SPEF2: variants seen among roughly 807,000 people sequenced by gnomAD.
SPEF2 encodes the protein sperm flagellar and cilia associated 2, also known as sperm flagella and cilia-associated protein 2.
SPEF2 carries 187 observed loss-of-function variants against 224.6 expected under a neutral mutation model. That is an observed-to-expected ratio of 0.83 (90% CI 0.74 to 0.94). The LOEUF is 0.94. Ranked by LOEUF, SPEF2 falls within the 40% of genes least tolerant of loss-of-function variation. SPEF2 has a pLI of 0.00. For synonymous variants in SPEF2, 715 were observed against 707.3 expected, an observed-to-expected ratio of 1.01 and a Z score of -0.17; for missense variants, 2,170 against 2,135.6, an observed-to-expected ratio of 1.02 and a Z score of -0.32.
At chr5:35,636,106 G>T (rs192903538) in intron 2 of SPEF2, among the ~76,000 whole-genome samples, 5 of 152,150 alleles carry the variant, frequency 3.3e-5, no homozygotes, top group Non-Finnish European at 7.4e-5. Flanking sequence ...TGCTGCTTCT[G>T]CTTTTTTTGT....
intron 10 of SPEF2, chr5:35,670,498 T>A: frequency 9.4e-7 from 1 of 1,068,410 alleles, no homozygotes; most frequent in Non-Finnish European, 1.1e-6. Context: ...TCAGAATTTT[T>A]AAAATGCTTT....
rs201327783 is a variant in SPEF2 at position 35,697,661 on chromosome 5, C to CTTCTGTCAT, written c.2038-24_2038-16dup. 1.6e-3 allele frequency: 2,445 copies of CTTCTGTCAT among 1,565,872 alleles called. 29 individuals carry two copies. The African/African-American group carries it at 0.03, about 19-fold the overall frequency. ...GGAATTTGACTTTTAAATTAGCCAT[C>CTTCTGTCAT]TTCTGTCATTTCTTGTTTATTTTCC... On this transcript the variant is annotated intron_variant, in intron 14 of 36. Coordinates refer to ENST00000356031, the MANE Select transcript of SPEF2 (RefSeq NM_024867.4).
At chr5:35,789,568 A>C in intron 30 of SPEF2, 1 of 650,746 alleles carries the variant, frequency 1.5e-6, no homozygotes, top group Non-Finnish European at 2.7e-6. Context: ...GGGAAAGAAA[A>C]CATTTCTGCT....
chr5:35,779,805 G>A (rs944261097), intron 30 of SPEF2, among the ~76,000 whole-genome samples: 1 of 152,194 alleles, frequency 6.6e-6, no homozygotes, highest in Non-Finnish European at 1.5e-5. Context: ...CAAATAAGCT[G>A]TTAGAAAATG....
At position 35,698,135 on chromosome 5, in the gene SPEF2, T is replaced by G. The variant is rs191703319; in HGVS notation, c.2141+342T>G. The G allele has an allele frequency of 3.5e-4, 59 of 169,334 alleles. 1 individual carries two copies. The highest frequency in any genetic ancestry group is 3.0e-3 in the Admixed American group (48 of 15,812). The allele number at this position is 169,334 out of a possible 1,614,324, so 10.5% of individuals were successfully genotyped here. On this transcript the variant is annotated intron_variant, in intron 15 of 36. Coordinates refer to ENST00000356031, the MANE Select transcript of SPEF2 (RefSeq NM_024867.4). ...CGGGGAAAAAAGAAGCCAGAGAGAC[T>G]TGGCTGACAAATGTAATAAAGAGAG...
chr5:35,807,742 C>T (rs1157958965), intron 36 of SPEF2: 1 of 1,535,966 alleles, frequency 6.5e-7, no homozygotes, highest in African/African-American at 1.4e-5. Flanking sequence ...GGACAAACCC[C>T]AGAGAAACTG....
intron 8 of SPEF2, among the ~76,000 whole-genome samples, chr5:35,663,162 A>G (rs925626014): frequency 6.6e-6 from 1 of 152,112 alleles, no homozygotes; most frequent in Non-Finnish European, 1.5e-5. Flanking sequence ...CTTATATCAA[A>G]ACATTTATTA....
At chr5:35,736,770 T>C (rs1006552553) in intron 21 of SPEF2, among the ~76,000 whole-genome samples, 1 of 152,166 alleles carries the variant, frequency 6.6e-6, no homozygotes, top group Non-Finnish European at 1.5e-5. Context: ...AGGAGAATTG[T>C]TTTGGTGGAG....
chr5:35,763,632 C>T lies in SPEF2; in HGVS notation c.3731C>T (p.Ser1244Phe). The change falls in exon 26 of 37, where the codon TCC becomes TTC. Residue 1244 changes from serine (S) to phenylalanine (F), a missense_variant. Transcript: ENST00000356031. The part of the protein sequence containing the change: ...KMDNSLENVE[S>F]NFEADEKLVM... ...GATAACTCCCTAGAAAACGTTGAGT[C>T]CAACTTTGAGGCCGATGAAAAGTTG... The T allele has an allele frequency of 1.2e-6, 2 of 1,613,926 alleles. No individual in the cohort carries two copies. Among genetic ancestry groups the T allele is most frequent in the Non-Finnish European group, 1.7e-6 (2 of 1,179,930 alleles).
intron 30 of SPEF2, chr5:35,788,579 C>T (rs1436615729): frequency 1.4e-6 from 1 of 702,792 alleles, no homozygotes; most frequent in African/African-American, 1.7e-5. Flanking sequence ...AAATGATCCT[C>T]TGGCAATAAA....
Position 35,734,132 on chromosome 5 carries a change from C to A in SPEF2, c.3064-5787C>A, listed in dbSNP as rs76730670. Among the ~76,000 whole-genome samples, 832 of 152,258 alleles carry A rather than the reference C, an allele frequency of 5.5e-3. 18 individuals carry two copies. The East Asian group carries it at 0.065, about 12-fold the overall frequency. On this transcript the variant is annotated intron_variant, in intron 21 of 36. Transcript: ENST00000356031. ...GAACTAATAAAGGCTTGAAGGAAGG[C>A]AATGACATAGGGAAAGAGGGAGGAA...
chr5:35,806,960 A>T lies in SPEF2; in HGVS notation c.5256+8A>T. The T allele has an allele frequency of 6.3e-7, 1 of 1,586,452 alleles. No homozygotes were observed. Among genetic ancestry groups the T allele is most frequent in the Non-Finnish European group, 8.6e-7 (1 of 1,169,396 alleles). ...GAGAACATTTATGCAGAGGTTGGTT[A>T]AATTATTTTGAAAAAAGTTGGCCTC... On this transcript the variant is annotated splice_region_variant and intron_variant, in intron 35 of 36. Transcript: ENST00000356031.
chr5:35,783,933 T>C (rs962570945), intron 30 of SPEF2, among the ~76,000 whole-genome samples: 1 of 152,214 alleles, frequency 6.6e-6, no homozygotes, highest in Non-Finnish European at 1.5e-5. Context: ...CGGTACTCAA[T>C]GAAATGCCTG....
intron 32 of SPEF2, among the ~76,000 whole-genome samples, chr5:35,794,632 C>T (rs977221598): frequency 9.2e-5 from 14 of 152,154 alleles, no homozygotes; most frequent in South Asian, 2.1e-4. Flanking sequence ...TTTAAAAGTG[C>T]GCACTCGTGA....
intron 30 of SPEF2, among the ~76,000 whole-genome samples, chr5:35,780,741 A>G (rs1019213130): frequency 3.3e-5 from 5 of 152,196 alleles, no homozygotes; most frequent in African/African-American, 7.2e-5. Flanking sequence ...GATTCTAAAC[A>G]TGACATGTGG....
Position 35,746,235 on chromosome 5 carries a change from C to A in SPEF2, c.3330+5968C>A, listed in dbSNP as rs73086243. The stretch of plus-strand genomic sequence containing the variant: ...CCCAAATGAGAAGGAACCAAAAAAT[C>A]AGCCCTGGTAATATGACAAAACAAG... On this transcript the variant is annotated intron_variant, in intron 23 of 36. Coordinates refer to ENST00000356031, the MANE Select transcript of SPEF2 (RefSeq NM_024867.4). Among the ~76,000 whole-genome samples the A allele has an allele frequency of 4.8e-3, 728 of 152,312 alleles. 8 individuals are homozygous for A. Among genetic ancestry groups the A allele is most frequent in the African/African-American group, 0.016 (680 of 41,560 alleles).
At chr5:35,734,212 C>T (rs919996917) in intron 21 of SPEF2, among the ~76,000 whole-genome samples, 6 of 152,186 alleles carry the variant, frequency 3.9e-5, no homozygotes, top group Admixed American at 2.6e-4. Context: ...TCTCAGATGT[C>T]ATCTTTCTCC....
intron 2 of SPEF2, among the ~76,000 whole-genome samples, chr5:35,628,866 A>G (rs1744659531): frequency 1.3e-5 from 2 of 152,190 alleles, no homozygotes; most frequent in Non-Finnish European, 2.9e-5. Context: ...TGTTGAGATT[A>G]CATGTGTGCA....
chr5:35,688,616 G>T (rs935243779), intron 10 of SPEF2, among the ~76,000 whole-genome samples: 4 of 152,062 alleles, frequency 2.6e-5, no homozygotes, highest in Non-Finnish European at 5.9e-5. Context: ...GTCATGGTGG[G>T]ATAAAGTCAA....
Sources: allele counts gnomAD v4.1 joint callset (sites outside exome capture counted in the v4.1 genomes callset), GRCh38; gene constraint gnomAD v4.1.1; transcripts MANE v1.5; gene names NCBI Gene and HGNC (gene_info 2026-07-23, HGNC 2026-07-21).